The following GPHN variants were observed in gnomAD, a reference collection of about 807,000 sequenced individuals.
GPHN encodes the protein gephyrin.
A neutral mutation model predicts 95.5 loss-of-function variants in GPHN; 17 were observed. The observed-to-expected ratio is 0.18, with a 90% CI of 0.12 to 0.27. GPHN has a LOEUF of 0.27. Ranked by LOEUF, GPHN falls within the 10% of genes least tolerant of loss-of-function variation. The pLI, the probability that GPHN is intolerant of heterozygous loss-of-function variation, is 1.00. For synonymous variants in GPHN, 320 were observed against 322.5 expected (o/e 0.99, Z 0.08); for missense variants, 660 against 978.1 (o/e 0.67, Z 4.34).
At chr14:66,532,654 A>C (rs2058990062) in intron 1 of GPHN, among the ~76,000 whole-genome samples, 2 of 152,198 alleles carry the variant, frequency 1.3e-5, no homozygotes, top group Non-Finnish European at 2.9e-5. Flanking sequence ...AAAAGGGAAC[A>C]ATTATTATAA....
chr14:66,548,863 A>G (rs1411996519), intron 1 of GPHN, among the ~76,000 whole-genome samples: 2 of 152,248 alleles, frequency 1.3e-5, no homozygotes, highest in Admixed American at 1.3e-4. Context: ...AAAAAATAGC[A>G]GAGAACATTT....
At chr14:67,579,072 C>T in the GPHN span, 343 of 1,201,134 alleles carry the variant, frequency 2.9e-4, 1 homozygote, top group African/African-American at 4.0e-3. Context: ...GATAGGGATC[C>T]GGGGTGCCAA....
At chr14:66,901,011 G>C (rs559823794) in intron 5 of GPHN, among the ~76,000 whole-genome samples, 2 of 151,930 alleles carry the variant, frequency 1.3e-5, no homozygotes, top group African/African-American at 2.4e-5. Flanking sequence ...CACCAACAGC[G>C]TACAAATGTT....
At chr14:66,816,871 T>A (rs1029986444) in intron 3 of GPHN, among the ~76,000 whole-genome samples, 1 of 152,128 alleles carries the variant, frequency 6.6e-6, no homozygotes, top group Non-Finnish European at 1.5e-5. Flanking sequence ...AGGCTCCAGA[T>A]AGATACAGAG....
intron 1 of GPHN, among the ~76,000 whole-genome samples, chr14:66,606,915 A>G (rs1174878286): frequency 6.6e-6 from 1 of 152,046 alleles, no homozygotes; most frequent in Non-Finnish European, 1.5e-5. Flanking sequence ...TTCCTTTCCT[A>G]TTTGAATGTA....
the GPHN span, among the ~76,000 whole-genome samples, chr14:67,298,324 G>T: frequency 6.0e-4 from 92 of 152,092 alleles, 1 homozygote; most frequent in African/African-American, 2.2e-3. Context: ...GACTAGTCTG[G>T]CCAACATGGT....
At chr14:66,930,340 G>A (rs2153565821) in intron 8 of GPHN, among the ~76,000 whole-genome samples, 1 of 152,002 alleles carries the variant, frequency 6.6e-6, no homozygotes, top group East Asian at 1.9e-4. Flanking sequence ...AGGTTACCAT[G>A]AGCCTTGCAA....
At chr14:67,252,563 G>A in the GPHN span, among the ~76,000 whole-genome samples, 3 of 152,156 alleles carry the variant, frequency 2.0e-5, no homozygotes, top group Non-Finnish European at 2.9e-5. Context: ...TGAAGTCTGG[G>A]GCAGTCTTTT....
chr14:66,897,703 A>C (rs898041002), intron 5 of GPHN, among the ~76,000 whole-genome samples: 1 of 152,142 alleles, frequency 6.6e-6, no homozygotes, highest in East Asian at 1.9e-4. Flanking sequence ...TCCATACTAT[A>C]TATGCACTAC....
the GPHN span, chr14:67,571,990 T>C: frequency 2.0e-6 from 3 of 1,505,280 alleles, no homozygotes; most frequent in Non-Finnish European, 2.7e-6. Flanking sequence ...CGTCCCCACT[T>C]GATCTGAGCT....
chr14:67,257,230 A>G, the GPHN span, among the ~76,000 whole-genome samples: 1 of 152,186 alleles, frequency 6.6e-6, no homozygotes, highest in African/African-American at 2.4e-5. Context: ...GCATTTTTAC[A>G]TAAACCATAG....
intron 10 of GPHN, among the ~76,000 whole-genome samples, chr14:67,036,540 C>CAGAG (rs58602362): frequency 4.0e-5 from 6 of 148,222 alleles, no homozygotes; most frequent in African/African-American, 1.2e-4. Flanking sequence ...CACACACACA[C>CAGAG]AGAGAAACAC....
intron 17 of GPHN, among the ~76,000 whole-genome samples, chr14:67,127,917 GTA>G (rs765325819): frequency 6.6e-6 from 1 of 152,166 alleles, no homozygotes; most frequent in African/African-American, 2.4e-5. Flanking sequence ...CCTCAAAATG[GTA>G]TGTGTATGTA....
chr14:67,204,469 A>G, the GPHN span: 1 of 1,467,744 alleles, frequency 6.8e-7, no homozygotes, highest in Non-Finnish European at 9.0e-7. Context: ...ATATATATAT[A>G]TAAGAAAGGC....
chr14:66,542,197 A>AAG, intron 1 of GPHN, among the ~76,000 whole-genome samples: 2 of 152,366 alleles, frequency 1.3e-5, no homozygotes, highest in East Asian at 3.9e-4. Context: ...AGGAAAATGC[A>AAG]GAATCATGCT....
At chr14:66,872,930 A>G (rs912804902) in intron 4 of GPHN, among the ~76,000 whole-genome samples, 1 of 151,374 alleles carries the variant, frequency 6.6e-6, no homozygotes, top group African/African-American at 2.4e-5. Flanking sequence ...TAAAACTCCT[A>G]GTATATAGGT....
the GPHN span, among the ~76,000 whole-genome samples, chr14:67,193,954 C>CAAAAAAAAAACAAAAAAAAAAAAAA: frequency 8.2e-5 from 7 of 85,628 alleles, no homozygotes; most frequent in African/African-American, 2.9e-4. Flanking sequence ...CAAAAAAAAA[C>CAAAAAAAAAACAAAAAAAAAAAAAA]AAAAAAAAAA....
the GPHN span, among the ~76,000 whole-genome samples, chr14:67,702,353 G>C: frequency 5.3e-4 from 81 of 152,194 alleles, no homozygotes; most frequent in African/African-American, 1.9e-3. Context: ...GAAATTTAAA[G>C]TTAAATACAT....
At chr14:67,277,715 T>C in the GPHN span, among the ~76,000 whole-genome samples, 1 of 152,322 alleles carries the variant, frequency 6.6e-6, no homozygotes, top group Non-Finnish European at 1.5e-5. Flanking sequence ...GTAAAATATT[T>C]TTATTTTCTA....
Sources: gnomAD v4.1 joint callset for allele counts (sites outside exome capture counted in the v4.1 genomes callset) on GRCh38, gnomAD v4.1.1 for gene constraint, MANE v1.5 for transcripts, NCBI Gene and HGNC (gene_info 2026-07-23, HGNC 2026-07-21) for gene names.